The following TRIM67 variants were observed in gnomAD, a reference collection of about 807,000 sequenced individuals.
The protein encoded by TRIM67 is tripartite motif-containing protein 67.
Under a neutral mutation model 71.0 loss-of-function variants are expected in TRIM67, and 39 were observed. That is an observed-to-expected ratio of 0.55 (90% CI 0.43 to 0.72). The LOEUF is 0.72. Among genes scored for constraint, TRIM67 ranks in the 30% least tolerant of loss-of-function variants. The pLI is 0.00. For missense variants in TRIM67, 973 were observed against 1,079.2 expected (o/e 0.90, Z 1.38); for synonymous variants, 481 against 473.9 (o/e 1.01, Z -0.19).
chr1:231,189,215 A>G (rs1244109027), intron 1 of TRIM67, among the ~76,000 whole-genome samples: 1 of 152,192 alleles, frequency 6.6e-6, no homozygotes, highest in Non-Finnish European at 1.5e-5. Context: ...CTGTGGCCAC[A>G]TGTGAAATGA....
chr1:231,218,752 C>A lies in TRIM67; in HGVS notation c.*3312C>A. 3 of 985,448 alleles carry A rather than the reference C, an allele frequency of 3.0e-6. No individual in the cohort carries two copies. Among genetic ancestry groups the A allele is most frequent in the Non-Finnish European group, 3.6e-6 (3 of 829,950 alleles). The allele number at this position is 985,448 out of a possible 1,614,324, so 61.0% of individuals were successfully genotyped here. A position where few individuals can be genotyped will look rare whatever the true frequency, so the allele number is the denominator to read the frequency against. ...TGTAGTTGCAACAGCGCCCTAGGTG[C>A]CCTATGGCCCACCAAGTTTGAGGAG... On this transcript the variant is annotated 3_prime_UTR_variant, in exon 10 of 10. Coordinates refer to ENST00000366653, the MANE Select transcript of TRIM67 (RefSeq NM_001004342.5).
rs188875642 is a variant in TRIM67, at chr1:231,163,693, C to A, written c.724C>A (p.Arg242=). The A allele has an allele frequency of 2.0e-6, 3 of 1,510,022 alleles. No homozygotes were observed. In the African/African-American group the frequency reaches 4.3e-5, roughly 22 times the overall value. The allele number at this position is 1,510,022 out of a possible 1,614,324, so 93.5% of individuals were successfully genotyped here. A position where few individuals can be genotyped will look rare whatever the true frequency, so the allele number is the denominator to read the frequency against. The change falls in exon 1 of 10, where the codon CGG becomes AGG. Residue 242 remains arginine (R), a synonymous_variant. Coordinates refer to ENST00000366653, the MANE Select transcript of TRIM67 (RefSeq NM_001004342.5). The part of the protein sequence containing the change: ...SACQLKCHPS[R]GPFAKHRLVQ... ...CTGCCAGCTCAAGTGCCATCCATCCCGGGGACCCTTCGCCAAGCATCGCCT... is the reference window on the plus strand; with the variant it reads ...CTGCCAGCTCAAGTGCCATCCATCCAGGGGACCCTTCGCCAAGCATCGCCT...
rs535009293 is a variant in TRIM67 at position 231,219,934 on chromosome 1, G to T, written c.*4494G>T. Reference sequence around the variant, plus strand: ...TGATCAGACACCAAGTTCAGCCCTCGGTTACTTCCCTCTTTTAACCTGGCT... The same window carrying T: ...TGATCAGACACCAAGTTCAGCCCTCTGTTACTTCCCTCTTTTAACCTGGCT... On this transcript the variant is annotated 3_prime_UTR_variant, in exon 10 of 10. Transcript: ENST00000366653. 1.6e-6 allele frequency: 2 copies of T among 1,289,636 alleles called. No individual in the cohort carries two copies. Among genetic ancestry groups the T allele is most frequent in the South Asian group, 2.5e-5 (2 of 81,030 alleles). The allele number at this position is 1,289,636 out of a possible 1,614,324, so 79.9% of individuals were successfully genotyped here.
intron 1 of TRIM67, among the ~76,000 whole-genome samples, chr1:231,182,876 A>G (rs1682945915): frequency 6.6e-6 from 1 of 152,200 alleles, no homozygotes; most frequent in Non-Finnish European, 1.5e-5. Flanking sequence ...ATAGCTAATG[A>G]CTGGAAGTCA....
chr1:231,217,106 G>C lies in TRIM67; in HGVS notation c.*1666G>C, dbSNP rs1161306007. 7 of 985,826 alleles carry C rather than the reference G, an allele frequency of 7.1e-6. No individual in the cohort carries two copies. The East Asian group carries it at 7.9e-4, about 112-fold the overall frequency. 61.1% of individuals were successfully genotyped at this position (985,826 alleles called of 1,614,324 possible). On this transcript the variant is annotated 3_prime_UTR_variant, in exon 10 of 10. Coordinates refer to ENST00000366653, the MANE Select transcript of TRIM67 (RefSeq NM_001004342.5). ...GTAACTGCCTGCCGGAGCCATGCAG[G>C]TACCCCCCCTCCACTCAGCAGGCCC... is the stretch of plus-strand genomic sequence containing the variant.
chr1:231,163,797 C>T lies in TRIM67; in HGVS notation c.828C>T (p.Ser276=), dbSNP rs755587437. 3.5e-5 allele frequency: 52 copies of T among 1,489,768 alleles called. No individual in the cohort carries two copies. The highest frequency in any genetic ancestry group is 2.0e-5 in the Non-Finnish European group (22 of 1,116,014). The allele number at this position is 1,489,768 out of a possible 1,614,324, so 92.3% of individuals were successfully genotyped here. A position where few individuals can be genotyped will look rare whatever the true frequency, so the allele number is the denominator to read the frequency against. The change falls in exon 1 of 10, where the codon AGC becomes AGT. Residue 276 remains serine (S), a synonymous_variant. Coordinates refer to ENST00000366653, the MANE Select transcript of TRIM67 (RefSeq NM_001004342.5). ...CTGGCACCGCCCAGGGCGCCCCCAG[C>T]GGAGGCGGCGGCTGCAAGAGCCCGG... The part of the protein sequence containing the change: ...GPTGTAQGAP[S]GGGGCKSPGG...
Position 231,203,976 on chromosome 1 carries a change from C to T in TRIM67, c.1644C>T (p.Ile548=), listed in dbSNP as rs1266449169. The change falls in exon 6 of 10, where the codon ATC becomes ATT. Residue 548 remains isoleucine (I), a synonymous_variant. Coordinates refer to ENST00000366653, the MANE Select transcript of TRIM67 (RefSeq NM_001004342.5). ...PFTHSPVDGY[I]LELDDGAGGQ... is the part of the protein sequence containing the mutation. The stretch of plus-strand genomic sequence containing the variant: ...CCCACAGCCCCGTGGACGGCTACAT[C>T]CTGGAGCTGGACGACGGTGCCGGGG... 5.6e-6 allele frequency: 9 copies of T among 1,613,878 alleles called. No individual in the cohort carries two copies. Among genetic ancestry groups the T allele is most frequent in the Non-Finnish European group, 7.6e-6 (9 of 1,179,892 alleles).
chr1:231,184,140 C>G (rs1187791966), intron 1 of TRIM67: 1 of 152,064 alleles, frequency 6.6e-6, no homozygotes, highest in African/African-American at 2.4e-5. Flanking sequence ...AGTTTGCCAA[C>G]TGGGGAGACT....
intron 6 of TRIM67, among the ~76,000 whole-genome samples, chr1:231,205,750 A>T (rs2102756793): frequency 6.6e-6 from 1 of 151,908 alleles, no homozygotes; most frequent in South Asian, 2.1e-4. Flanking sequence ...AAGGAAAGAA[A>T]GAAAAGTATC....
In TRIM67 at chr1:231,197,421, A is replaced by G. The variant is rs1683394679; in HGVS notation, c.1095A>G (p.Ala365=). The G allele has an allele frequency of 2.5e-6, 4 of 1,614,038 alleles. No homozygotes were observed. Among genetic ancestry groups the G allele is most frequent in the Non-Finnish European group, 3.4e-6 (4 of 1,179,886 alleles). ...LNGVSDKAKE[A]KEFLVQLKNI... Reference sequence around the variant, plus strand: ...GAGTTTCAGATAAGGCAAAGGAAGCAAAGGAGTTTCTGGTTCAGCTAAAGA... The same window carrying G: ...GAGTTTCAGATAAGGCAAAGGAAGCGAAGGAGTTTCTGGTTCAGCTAAAGA... Residue 365 remains alanine, a synonymous_variant, in exon 2 of 10, where the codon GCA becomes GCG. Transcript: ENST00000366653.
At chr1:231,215,247 C>G in intron 9 of TRIM67, 128 bp from the exon 10 acceptor site, 3 of 1,382,536 alleles carry the variant, frequency 2.2e-6, no homozygotes, top group Middle Eastern at 5.4e-4. Context: ...TCCACAGCAG[C>G]CCTGAGCTAT....
At chr1:231,186,221 G>A (rs1225886445) in intron 1 of TRIM67, 2 of 1,442,400 alleles carry the variant, frequency 1.4e-6, no homozygotes, top group South Asian at 2.4e-5. Flanking sequence ...GGGCCAGAAG[G>A]AGAGACAAGA....
chr1:231,201,520 G>A lies in TRIM67; in HGVS notation c.1534+3G>A, dbSNP rs566123587. 30 of 1,613,306 alleles carry A rather than the reference G, an allele frequency of 1.9e-5. No homozygotes were observed. In the South Asian group the frequency reaches 3.1e-4, roughly 17 times the overall value. On this transcript the variant is annotated splice_donor_region_variant and intron_variant, in intron 5 of 9. Transcript: ENST00000366653. ...CTTCATTCAGATGAAATGTAGGGGT[G>A]AGCCGCGGTTGGCCCCAGTTCAGTC...
At chr1:231,191,378 T>C (rs2102739523) in intron 1 of TRIM67, among the ~76,000 whole-genome samples, 1 of 152,294 alleles carries the variant, frequency 6.6e-6, no homozygotes, top group Non-Finnish European at 1.5e-5. Context: ...AAGTTATCTT[T>C]ATTCTGGTTA....
chr1:231,162,680 G>T lies in TRIM67; in HGVS notation c.-290G>T, dbSNP rs902297594. The T allele has an allele frequency of 1.9e-5, 8 of 415,702 alleles. No individual in the cohort carries two copies. The highest frequency in any genetic ancestry group is 3.0e-5 in the Non-Finnish European group (7 of 232,306). 25.8% of individuals were successfully genotyped at this position (415,702 alleles called of 1,614,324 possible). A position where few individuals can be genotyped will look rare whatever the true frequency, so the allele number is the denominator to read the frequency against. ...CACCTAAAGCTCCTCGCAGGCCACC[G>T]CGAGGGCAGCCGACCGGCTCCGGAA... On this transcript the variant is annotated 5_prime_UTR_variant, in exon 1 of 10. Transcript: ENST00000366653.
chr1:231,216,066 C>T lies in TRIM67; in HGVS notation c.*626C>T, dbSNP rs559239093. ...GCCTCTCTCACTGAAGTGTTAGAAC[C>T]TTTTAAAATGGCTTCCTTTATTAAT... On this transcript the variant is annotated 3_prime_UTR_variant, in exon 10 of 10. Transcript: ENST00000366653. 1.0e-6 allele frequency: 1 copy of T among 985,428 alleles called. No homozygotes were observed. Among genetic ancestry groups the T allele is most frequent in the Admixed American group, 6.1e-5 (1 of 16,278 alleles). 61.0% of individuals were successfully genotyped at this position (985,428 alleles called of 1,614,324 possible).
At chr1:231,167,359 G>A (rs1246327249) in intron 1 of TRIM67, among the ~76,000 whole-genome samples, 28 of 40,938 alleles carry the variant, frequency 6.8e-4, no homozygotes, top group African/African-American at 1.3e-3. Flanking sequence ...GTCTCGCTCT[G>A]TCGCCCAGGC....
intron 5 of TRIM67, among the ~76,000 whole-genome samples, chr1:231,202,070 G>GGAGGAGGAGGTGGAA (rs1558303920): frequency 4.5e-5 from 3 of 66,042 alleles, no homozygotes; most frequent in African/African-American, 5.8e-5. Flanking sequence ...AGGAGATGGA[G>GGAGGAGGAGGTGGAA]GAGGAGGAGG....
intron 1 of TRIM67, among the ~76,000 whole-genome samples, chr1:231,189,589 C>T (rs540114035): frequency 3.9e-5 from 6 of 152,252 alleles, no homozygotes; most frequent in African/African-American, 1.4e-4. Flanking sequence ...ATGTACTTCT[C>T]ACAGTTCTGG....
Sources: gnomAD v4.1 joint callset for allele counts (sites outside exome capture counted in the v4.1 genomes callset) on GRCh38, gnomAD v4.1.1 for gene constraint, MANE v1.5 for transcripts, NCBI Gene and HGNC (gene_info 2026-07-23, HGNC 2026-07-21) for gene names.